TTC6: variants seen among roughly 807,000 people sequenced by gnomAD.
The protein encoded by TTC6 is tetratricopeptide repeat protein 6.
TTC6 carries 172 observed loss-of-function variants against 210.4 expected under a neutral mutation model. The ratio of observed to expected loss-of-function variants is 0.82; its 90% CI spans 0.72 to 0.93. The LOEUF is 0.93. Among genes scored for constraint, TTC6 ranks in the 40% least tolerant of loss-of-function variants. The probability of loss-of-function intolerance (pLI) is 0.00; values close to 1 mark genes in which losing one functional copy is unlikely to be tolerated. For missense variants in TTC6, 2,414 were observed against 2,318.1 expected (o/e 1.04, Z -0.85); for synonymous variants, 804 against 819.6 (o/e 0.98, Z 0.32).
intron 29 of TTC6, among the ~76,000 whole-genome samples, chr14:37,833,102 G>T (rs1260783258): frequency 6.7e-6 from 1 of 150,110 alleles, no homozygotes; most frequent in African/African-American, 2.4e-5. Context: ...TGGATGAAAT[G>T]TACTGTAAAT....
intron 14 of TTC6, among the ~76,000 whole-genome samples, chr14:37,779,078 T>A (rs979986639): frequency 5.3e-5 from 8 of 152,106 alleles, no homozygotes; most frequent in Non-Finnish European, 8.8e-5. Context: ...GGTCATGAGG[T>A]CTCCTGCTGC....
At chr14:37,600,941 G>T (rs936184452) in intron 1 of TTC6, among the ~76,000 whole-genome samples, 2 of 152,228 alleles carry the variant, frequency 1.3e-5, no homozygotes, top group African/African-American at 4.8e-5. Flanking sequence ...CTACTGCTTA[G>T]CTTACCTTGC....
At chr14:37,749,782 C>T in exon 12 of TTC6, 1 of 1,459,446 alleles carries the variant, frequency 6.9e-7, no homozygotes, top group East Asian at 2.6e-5. Context: ...TTTTCCAAGA[C>T]AAAATTAATG....
intron 2 of TTC6, among the ~76,000 whole-genome samples, chr14:37,607,717 C>A (rs1467837639): frequency 1.3e-5 from 2 of 151,306 alleles, no homozygotes; most frequent in East Asian, 3.9e-4. Flanking sequence ...CAGCCTTGGA[C>A]TCCTGGGCTC....
chr14:37,745,328 C>T (rs1255867350), intron 10 of TTC6, among the ~76,000 whole-genome samples: 2 of 152,120 alleles, frequency 1.3e-5, no homozygotes, highest in Non-Finnish European at 2.9e-5. Flanking sequence ...ACTGGTGAAA[C>T]AGGAAAGTAA....
chr14:37,651,415 ATATATATATATTTTTTTTTTTT>A (rs1374824162), intron 1 of TTC6, among the ~76,000 whole-genome samples: 85 of 20,818 alleles, frequency 4.1e-3, no homozygotes, highest in African/African-American at 0.014. Flanking sequence ...ATATATATAT[ATATATATATATTTTTTTTTTTT>A]TTTTTTTTTT....
chr14:37,840,790 C>A (rs140402870), intron 29 of TTC6, among the ~76,000 whole-genome samples: 7 of 151,988 alleles, frequency 4.6e-5, no homozygotes, highest in African/African-American at 1.7e-4. Context: ...GTTGTTGTGG[C>A]CTTCTTTTCT....
chr14:37,714,661 G>A, exon 6 of TTC6: 1 of 1,534,988 alleles, frequency 6.5e-7, no homozygotes, highest in Non-Finnish European at 8.7e-7. Context: ...GTAGAATATT[G>A]TATGGAATTC....
At chr14:37,626,524 C>A (rs371236183) in intron 1 of TTC6, among the ~76,000 whole-genome samples, 1 of 152,154 alleles carries the variant, frequency 6.6e-6, no homozygotes, top group South Asian at 2.1e-4. Context: ...CTCTATTCTT[C>A]CTGCTAAGTA....
intron 12 of TTC6, among the ~76,000 whole-genome samples, chr14:37,750,386 G>T (rs571525770): frequency 1.2e-3 from 190 of 152,252 alleles, no homozygotes; most frequent in African/African-American, 4.4e-3. Flanking sequence ...TTTTTGACCT[G>T]TGTTGATCTC....
chr14:37,796,356 C>T (rs758065093), exon 19 of TTC6: 3 of 1,201,782 alleles, frequency 2.5e-6, no homozygotes, highest in South Asian at 2.8e-5. Context: ...TATCAAATAG[C>T]AGAAATGGAC....
At chr14:37,810,597 A>T (rs531774576) in intron 24 of TTC6, among the ~76,000 whole-genome samples, 1 of 152,254 alleles carries the variant, frequency 6.6e-6, no homozygotes, top group East Asian at 1.9e-4. Context: ...TTCTGGGTTA[A>T]CAGTGTTTAG....
chr14:37,628,172 T>A (rs923891439), intron 1 of TTC6, among the ~76,000 whole-genome samples: 3 of 152,182 alleles, frequency 2.0e-5, no homozygotes, highest in African/African-American at 7.2e-5. Context: ...TTTTACCATG[T>A]TGGTCATGCT....
chr14:37,630,417 TA>T (rs1214940781), intron 1 of TTC6, among the ~76,000 whole-genome samples: 1 of 152,234 alleles, frequency 6.6e-6, no homozygotes, highest in African/African-American at 2.4e-5. Flanking sequence ...TCCTGAGTTC[TA>T]ATTTGATTGC....
At chr14:37,705,600 T>C (rs2095834032) in intron 5 of TTC6, among the ~76,000 whole-genome samples, 1 of 152,140 alleles carries the variant, frequency 6.6e-6, no homozygotes, top group Admixed American at 6.6e-5. Context: ...TTGATCCGAG[T>C]AATCAAATGA....
chr14:37,701,225 A>G, intron 4 of TTC6, 107 bp from the exon 7 acceptor site: 1 of 717,350 alleles, frequency 1.4e-6, no homozygotes, highest in Admixed American at 3.8e-5. Context: ...GATCTCCTCC[A>G]TTTATGTATG....
intron 1 of TTC6, among the ~76,000 whole-genome samples, chr14:37,631,543 C>CATTT (rs2095669977): frequency 6.6e-6 from 1 of 152,180 alleles, no homozygotes; most frequent in African/African-American, 2.4e-5. Context: ...CTGCCCTTAA[C>CATTT]ATTTTTTCCT....
upstream of TTC6, among the ~76,000 whole-genome samples, chr14:37,617,634 C>T (rs977852005): frequency 2.0e-5 from 3 of 151,668 alleles, no homozygotes; most frequent in African/African-American, 7.3e-5. Context: ...TCTTTTGAGG[C>T]TTTTTTTTGG....
At chr14:37,667,992 G>A (rs889743690) in intron 1 of TTC6, among the ~76,000 whole-genome samples, 2 of 150,092 alleles carry the variant, frequency 1.3e-5, no homozygotes, top group East Asian at 1.9e-4. Context: ...AAAATTAGCC[G>A]GGCATGATGG....
Sources: gnomAD v4.1 joint callset for allele counts (sites outside exome capture counted in the v4.1 genomes callset) on GRCh38, gnomAD v4.1.1 for gene constraint, MANE v1.5 for transcripts, NCBI Gene and HGNC (gene_info 2026-07-23, HGNC 2026-07-21) for gene names.